The following SMC6 variants were observed in gnomAD, a reference collection of about 807,000 sequenced individuals.
SMC6 encodes the protein structural maintenance of chromosomes 6.
A neutral mutation model predicts 142.2 loss-of-function variants in SMC6; 79 were observed. The ratio of observed to expected loss-of-function variants is 0.56; its 90% CI spans 0.46 to 0.67. SMC6 has a LOEUF of 0.67. SMC6 is among the 30% of genes least tolerant of loss of function. The pLI is 0.00. For missense variants in SMC6, 1,072 were observed against 1,284.0 expected (o/e 0.83, Z 2.52); for synonymous variants, 411 against 412.4 (o/e 1.00, Z 0.04).
intron 2 of SMC6, among the ~76,000 whole-genome samples, chr2:17,747,272 C>T (rs1264920367): frequency 2.0e-5 from 3 of 152,176 alleles, no homozygotes; most frequent in African/African-American, 7.2e-5. Context: ...ACTGCAGTGT[C>T]ACTGGAGACC....
intron 3 of SMC6, among the ~76,000 whole-genome samples, chr2:17,744,276 T>A (rs886721096): frequency 6.6e-6 from 1 of 152,200 alleles, no homozygotes; most frequent in African/African-American, 2.4e-5. Flanking sequence ...ATCAGGTGTG[T>A]TGGTATCTCA....
intron 7 of SMC6, 44 bp from the exon 8 acceptor site, chr2:17,726,513 C>G (rs376430309): frequency 1.6e-4 from 247 of 1,530,110 alleles, no homozygotes; most frequent in Non-Finnish European, 1.5e-4. Flanking sequence ...TACTTTAATG[C>G]TTTAAAGATA....
intron 24 of SMC6, chr2:17,680,477 G>A (rs1416555450): frequency 6.6e-6 from 1 of 152,100 alleles, no homozygotes; most frequent in African/African-American, 2.4e-5. Flanking sequence ...ACTTTGCTCA[G>A]ATCGATTAAA....
chr2:17,702,736 T>G (rs919366854), intron 19 of SMC6, among the ~76,000 whole-genome samples: 1 of 152,102 alleles, frequency 6.6e-6, no homozygotes, highest in African/African-American at 2.4e-5. Flanking sequence ...CTCATGAGAT[T>G]TGATGGTTTT....
At chr2:17,701,069 T>C (rs1572289289) in intron 20 of SMC6, among the ~76,000 whole-genome samples, 1 of 132,546 alleles carries the variant, frequency 7.5e-6, no homozygotes, top group Admixed American at 7.8e-5. Flanking sequence ...ATAATAATAA[T>C]ACAAAAATTT....
intron 21 of SMC6, among the ~76,000 whole-genome samples, chr2:17,699,230 A>T: frequency 6.6e-6 from 1 of 151,814 alleles, no homozygotes; most frequent in East Asian, 1.9e-4. Context: ...GCTTGGAAAT[A>T]TTTTTGGTGG....
At position 17,678,947 on chromosome 2, in the gene SMC6, C is replaced by T; in HGVS notation, c.2822G>A (p.Cys941Tyr). Residue 941 changes from cysteine (C) to tyrosine (Y), a missense_variant, in exon 25 of 28, where the codon TGC becomes TAC. Cys to Tyr is a radical substitution (Grantham distance 194, BLOSUM62 -2). Coordinates refer to ENST00000448223, the MANE Select transcript of SMC6 (RefSeq NM_001142286.2). Reference sequence around the variant, plus strand: ...TAGTAAGTTGTCAAAGTATAATTTGCATCGTAAAGTCAAACACCTTGAAAT... The same window carrying T: ...TAGTAAGTTGTCAAAGTATAATTTGTATCGTAAAGTCAAACACCTTGAAAT... ...QQFRRCLTLR[C>Y]KLYFDNLLSQ... 1.2e-6 allele frequency: 2 copies of T among 1,610,670 alleles called. No individual in the cohort carries two copies. Among genetic ancestry groups the T allele is most frequent in the Non-Finnish European group, 8.5e-7 (1 of 1,178,646 alleles).
chr2:17,726,165 T>A (rs898689759), intron 8 of SMC6, among the ~76,000 whole-genome samples: 2 of 149,894 alleles, frequency 1.3e-5, no homozygotes, highest in African/African-American at 4.9e-5. Context: ...TGTATTTCCT[T>A]AAAGATTAAG....
intron 16 of SMC6, among the ~76,000 whole-genome samples, chr2:17,709,335 C>T (rs552237512): frequency 2.4e-4 from 36 of 152,182 alleles, no homozygotes; most frequent in African/African-American, 8.2e-4. Flanking sequence ...TTATTACCAA[C>T]ACAGAGGAAA....
intron 23 of SMC6, among the ~76,000 whole-genome samples, chr2:17,690,670 T>A (rs1558336418): frequency 6.6e-6 from 1 of 152,016 alleles, no homozygotes; most frequent in Non-Finnish European, 1.5e-5. Flanking sequence ...ATTTAATTTT[T>A]AAAATCTGCA....
At chr2:17,730,652 G>A (rs978261728) in intron 7 of SMC6, among the ~76,000 whole-genome samples, 1 of 150,654 alleles carries the variant, frequency 6.6e-6, no homozygotes, top group Non-Finnish European at 1.5e-5. Flanking sequence ...GCCCAGGCTG[G>A]AGTGCAGTGG....
intron 23 of SMC6, among the ~76,000 whole-genome samples, chr2:17,684,904 A>G (rs1389735663): frequency 6.6e-6 from 1 of 152,158 alleles, no homozygotes; most frequent in Non-Finnish European, 1.5e-5. Context: ...AAGCAGACAT[A>G]AAAGAACTGA....
intron 7 of SMC6, among the ~76,000 whole-genome samples, chr2:17,727,465 G>A (rs1016977622): frequency 1.3e-5 from 2 of 151,216 alleles, no homozygotes; most frequent in African/African-American, 2.4e-5. Context: ...GCCTATTGTG[G>A]GACCTTGTGA....
At chr2:17,711,724 T>C (rs918784671) in intron 16 of SMC6, among the ~76,000 whole-genome samples, 2 of 152,108 alleles carry the variant, frequency 1.3e-5, no homozygotes, top group Non-Finnish European at 2.9e-5. Context: ...GCTCCAGTGA[T>C]CCTCCCACCT....
chr2:17,698,601 T>G lies in SMC6; in HGVS notation c.2394+1607A>C, dbSNP rs566527172. On this transcript the variant is annotated intron_variant, in intron 21 of 27. Coordinates refer to ENST00000448223, the MANE Select transcript of SMC6 (RefSeq NM_001142286.2). ...ATTTTCCATCCTTTTACTTTCAACC[T>G]GCCTATATGGCTGTATTTGAAGTGA... Among the ~76,000 whole-genome samples, 3 of 152,254 alleles carry G rather than the reference T, an allele frequency of 2.0e-5. No individual in the cohort carries two copies. The South Asian group carries it at 6.2e-4, about 32-fold the overall frequency.
intron 23 of SMC6, among the ~76,000 whole-genome samples, chr2:17,688,652 T>C (rs866983791): frequency 1.2e-4 from 19 of 152,016 alleles, no homozygotes; most frequent in Non-Finnish European, 2.2e-4. Context: ...TGAATGCAAA[T>C]AGAAACATTT....
At chr2:17,742,634 C>G (rs1670529462) in intron 3 of SMC6, among the ~76,000 whole-genome samples, 1 of 151,876 alleles carries the variant, frequency 6.6e-6, no homozygotes, top group African/African-American at 2.4e-5. Flanking sequence ...TTTAAAAACT[C>G]CCCGGCTCTC....
chr2:17,692,312 A>G (rs1322113574), intron 23 of SMC6, among the ~76,000 whole-genome samples: 1 of 152,196 alleles, frequency 6.6e-6, no homozygotes, highest in Non-Finnish European at 1.5e-5. Flanking sequence ...ACTATACTAC[A>G]AGGCTACAGT....
At position 17,695,068 on chromosome 2, in the gene SMC6, T is replaced by G; in HGVS notation, c.2678+84A>C. 2.7e-6 allele frequency: 4 copies of G among 1,457,738 alleles called. No individual in the cohort carries two copies. The South Asian group carries it at 3.6e-5, about 13-fold the overall frequency. 90.3% of individuals were successfully genotyped at this position (1,457,738 alleles called of 1,614,324 possible). On this transcript the variant is annotated intron_variant, in intron 23 of 27. Coordinates refer to ENST00000448223, the MANE Select transcript of SMC6 (RefSeq NM_001142286.2). The stretch of plus-strand genomic sequence containing the variant: ...GCTATAGTAACACTTCATTCAAATT[T>G]AAGACATGTATATGTTTTTCATTTT...
Sources: gnomAD v4.1 joint callset for allele counts (sites outside exome capture counted in the v4.1 genomes callset) on GRCh38, gnomAD v4.1.1 for gene constraint, MANE v1.5 for transcripts, NCBI Gene and HGNC (gene_info 2026-07-23, HGNC 2026-07-21) for gene names.